The following EPO variants were observed in gnomAD, a reference collection of about 807,000 sequenced individuals.
EPO encodes the protein erythropoietin.
EPO carries 12 observed loss-of-function variants against 24.4 expected under a neutral mutation model. That is an observed-to-expected ratio of 0.49 (90% CI 0.32 to 0.80). The LOEUF (loss-of-function observed/expected upper bound fraction) is 0.80, where lower values mean the gene tolerates loss of function less well. Among genes scored for constraint, EPO ranks in the 30% least tolerant of loss-of-function variants. The pLI is 0.04. For missense variants in EPO, 210 were observed against 238.0 expected, an observed-to-expected ratio of 0.88 and a Z score of 0.77; for synonymous variants, 107 against 104.0, an observed-to-expected ratio of 1.03 and a Z score of -0.18.
In EPO at chr7:100,722,089, T is replaced by A. The variant is rs749999386; in HGVS notation, c.246+41T>A. 6.7e-5 allele frequency: 102 copies of A among 1,530,748 alleles called. No homozygotes were observed. The East Asian group carries it at 2.1e-3, about 32-fold the overall frequency. 94.8% of individuals were successfully genotyped at this position (1,530,748 alleles called of 1,614,324 possible). On this transcript the variant is annotated intron_variant, in intron 3 of 4. Transcript: ENST00000252723. The stretch of plus-strand genomic sequence containing the variant: ...TTTTTTTTTCCTTTCTTTTGGAGAA[T>A]CTCATTTGCGAGCCTGATTTTGGAT...
At position 100,721,014 on chromosome 7, in the gene EPO, C is replaced by T. The variant is rs372062547; in HGVS notation, c.13+21C>T. On this transcript the variant is annotated intron_variant, in intron 1 of 4. Transcript: ENST00000252723. The surrounding 1 kb of genome is among the most constrained non-coding windows in gnomAD (Gnocchi z 4.0). ...GCACGGTGAGTACTCGCGGGCTGGG[C>T]GCTCCCGCCCGCCCGGGTCCCTGTT... is the stretch of plus-strand genomic sequence containing the variant. 2 of 1,568,838 alleles carry T rather than the reference C, an allele frequency of 1.3e-6. No homozygotes were observed. Among genetic ancestry groups the T allele is most frequent in the Non-Finnish European group, 1.7e-6 (2 of 1,159,190 alleles).
rs950421894 is a variant in EPO, at chr7:100,722,921, T to C, written c.427-57T>C. ...GTCTTGCTAAGGAGTACAGGAACTG[T>C]CCGTATTCCTTCCCTTTCTGTGGCA... On this transcript the variant is annotated intron_variant, in intron 4 of 4. Coordinates refer to ENST00000252723, the MANE Select transcript of EPO (RefSeq NM_000799.4). 4.3e-6 allele frequency: 7 copies of C among 1,609,510 alleles called. No homozygotes were observed. The African/African-American group carries it at 9.3e-5, about 21-fold the overall frequency.
rs1293045083 is a variant in EPO at position 100,720,522 on chromosome 7, C to A, written c.-459C>A. On this transcript the variant is annotated 5_prime_UTR_variant, in exon 1 of 5. Coordinates refer to ENST00000252723, the MANE Select transcript of EPO (RefSeq NM_000799.4). ...CCAAGGGTGCGCAACCGGCTGCACT[C>A]CCCTCCCGCGACCCAGGGCCCGGGA... Among the ~76,000 whole-genome samples the A allele has an allele frequency of 6.6e-6, 1 of 152,170 alleles. No individual in the cohort carries two copies. Among genetic ancestry groups the A allele is most frequent in the Non-Finnish European group, 1.5e-5 (1 of 68,006 alleles).
In EPO at chr7:100,721,017, T is replaced by C; in HGVS notation, c.13+24T>C. On this transcript the variant is annotated intron_variant, in intron 1 of 4. Coordinates refer to ENST00000252723, the MANE Select transcript of EPO (RefSeq NM_000799.4). This position sits in a 1 kb window ranked among gnomAD's most constrained non-coding sequence, Gnocchi z 4.0. ...CGGTGAGTACTCGCGGGCTGGGCGC[T>C]CCCGCCCGCCCGGGTCCCTGTTTGA... is the stretch of plus-strand genomic sequence containing the variant. 6.4e-7 allele frequency: 1 copy of C among 1,565,866 alleles called. No individual in the cohort carries two copies. Among genetic ancestry groups the C allele is most frequent in the East Asian group, 2.4e-5 (1 of 41,384 alleles).
chr7:100,722,220 G>A (rs1227380302), intron 3 of EPO, among the ~76,000 whole-genome samples, 172 bp downstream of exon 3: 2 of 152,136 alleles, frequency 1.3e-5, no homozygotes, highest in Middle Eastern at 3.2e-3. Context: ...GCCGAGATGG[G>A]AGAATTGCTT....
intron 4 of EPO, 34 bp downstream of exon 4, chr7:100,722,877 C>T (rs1387083169): frequency 6.8e-6 from 11 of 1,608,698 alleles, no homozygotes; most frequent in Non-Finnish European, 3.4e-6. Flanking sequence ...CTTGCCCTTT[C>T]TGTAAGAAGG....
chr7:100,723,288 GC>G lies in EPO; in HGVS notation c.*157del. 2 of 865,172 alleles carry G rather than the reference GC, an allele frequency of 2.3e-6. No individual in the cohort carries two copies. The highest frequency in any genetic ancestry group is 3.5e-6 in the Non-Finnish European group (2 of 572,448). The allele number at this position is 865,172 out of a possible 1,614,324, so 53.6% of individuals were successfully genotyped here. The stretch of plus-strand genomic sequence containing the variant: ...CAGTGCCAGCAATGACATCTCAGGG[GC>G]CAGAGGAACTGTCCAGAGAGCAACT... On this transcript the variant is annotated 3_prime_UTR_variant, in exon 5 of 5. Coordinates refer to ENST00000252723, the MANE Select transcript of EPO (RefSeq NM_000799.4).
chr7:100,723,276 G>C lies in EPO; in HGVS notation c.*143G>C, dbSNP rs150610526. 1 of 955,660 alleles carries C rather than the reference G, an allele frequency of 1.0e-6. No individual in the cohort carries two copies. The highest frequency in any genetic ancestry group is 1.7e-5 in the African/African-American group (1 of 60,264). 59.2% of individuals were successfully genotyped at this position (955,660 alleles called of 1,614,324 possible). ...CCATGGACACTCCAGTGCCAGCAATGACATCTCAGGGGCCAGAGGAACTGT... is the reference window on the plus strand; with the variant it reads ...CCATGGACACTCCAGTGCCAGCAATCACATCTCAGGGGCCAGAGGAACTGT... On this transcript the variant is annotated 3_prime_UTR_variant, in exon 5 of 5. Transcript: ENST00000252723.
rs777990553 is a variant in EPO, at chr7:100,722,728, G to A, written c.311G>A (p.Gly104Asp). Residue 104 changes from glycine (G) to aspartate (D), a missense_variant, in exon 4 of 5, where the codon GGC becomes GAC. Physicochemically the swap from Gly to Asp is moderately conservative, Grantham distance 94. Coordinates refer to ENST00000252723, the MANE Select transcript of EPO (RefSeq NM_000799.4). ...LALLSEAVLR[G>D]QALLVNSSQP... ...CTGCTGTCGGAAGCTGTCCTGCGGG[G>A]CCAGGCCCTGTTGGTCAACTCTTCC... is the stretch of plus-strand genomic sequence containing the variant. 6.2e-6 allele frequency: 10 copies of A among 1,613,650 alleles called. No homozygotes were observed. The highest frequency in any genetic ancestry group is 2.5e-6 in the Non-Finnish European group (3 of 1,179,962).
chr7:100,721,513 C>G lies in EPO; in HGVS notation c.14-45C>G. ...AAGGAAGCTGTCCTTCCACAGCCAC[C>G]CTTCTCCCTCCCCGCCTGACTCTCA... is the stretch of plus-strand genomic sequence containing the variant. On this transcript the variant is annotated intron_variant, in intron 1 of 4. Coordinates refer to ENST00000252723, the MANE Select transcript of EPO (RefSeq NM_000799.4). The surrounding 1 kb of genome is among the most constrained non-coding windows in gnomAD (Gnocchi z 4.0). 6.3e-7 allele frequency: 1 copy of G among 1,595,840 alleles called. No individual in the cohort carries two copies. Among genetic ancestry groups the G allele is most frequent in the Non-Finnish European group, 8.6e-7 (1 of 1,169,136 alleles).
In EPO at chr7:100,720,714, G is replaced by GAT; in HGVS notation, c.-265_-264dup. The GAT allele has an allele frequency of 2.9e-6, 1 of 345,252 alleles. No individual in the cohort carries two copies. Among genetic ancestry groups the GAT allele is most frequent in the Non-Finnish European group, 5.1e-6 (1 of 196,238 alleles). 21.4% of individuals were successfully genotyped at this position (345,252 alleles called of 1,614,324 possible). On this transcript the variant is annotated 5_prime_UTR_variant, in exon 1 of 5. An upstream open reading frame in the 5' UTR gains an earlier in-frame stop. Transcript: ENST00000252723. ...CCCCACCCGCGCACGCACACATGCA[G>GAT]ATAACAGCCCCGACCCCCGGCCAGA...
chr7:100,721,129 G>A lies in EPO; in HGVS notation c.13+136G>A. 1 of 472,260 alleles carries A rather than the reference G, an allele frequency of 2.1e-6. No homozygotes were observed. Among genetic ancestry groups the A allele is most frequent in the South Asian group, 2.2e-5 (1 of 44,966 alleles). 29.3% of individuals were successfully genotyped at this position (472,260 alleles called of 1,614,324 possible). A position where few individuals can be genotyped will look rare whatever the true frequency, so the allele number is the denominator to read the frequency against. On this transcript the variant is annotated intron_variant, in intron 1 of 4. Coordinates refer to ENST00000252723, the MANE Select transcript of EPO (RefSeq NM_000799.4). This position sits in a 1 kb window ranked among gnomAD's most constrained non-coding sequence, Gnocchi z 4.0. ...GTCAAGGACCCCGGAAGGGGGAGGG[G>A]GGTGGGGCAGCCTCCACGTGCCAGC...
chr7:100,722,720 C>T lies in EPO; in HGVS notation c.303C>T (p.Val101=). ...WQGLALLSEA[V]LRGQALLVNS... is the part of the protein sequence containing the mutation. ...GCCTGGCCCTGCTGTCGGAAGCTGT[C>T]CTGCGGGGCCAGGCCCTGTTGGTCA... Residue 101 remains valine (V), a synonymous_variant, in exon 4 of 5, where the codon GTC becomes GTT. Transcript: ENST00000252723. 3 of 1,613,426 alleles carry T rather than the reference C, an allele frequency of 1.9e-6. No individual in the cohort carries two copies. Among genetic ancestry groups the T allele is most frequent in the Non-Finnish European group, 2.5e-6 (3 of 1,179,948 alleles).
rs140683829 is a variant in EPO, at chr7:100,722,678, C to G, written c.261C>G (p.Ala87=). The G allele has an allele frequency of 6.3e-7, 1 of 1,597,988 alleles. No homozygotes were observed. Among genetic ancestry groups the G allele is most frequent in the Admixed American group, 1.8e-5 (1 of 54,726 alleles). Residue 87 remains alanine (A), a synonymous_variant, in exon 4 of 5, where the codon GCC becomes GCG. Transcript: ENST00000252723. ...ACTCCCTGTAGGTCGGGCAGCAGGC[C>G]GTAGAAGTCTGGCAGGGCCTGGCCC... ...AWKRMEVGQQ[A]VEVWQGLALL... is the part of the protein sequence containing the mutation.
chr7:100,721,055 C>G lies in EPO; in HGVS notation c.13+62C>G. 1 of 1,498,172 alleles carries G rather than the reference C, an allele frequency of 6.7e-7. No homozygotes were observed. The highest frequency in any genetic ancestry group is 8.9e-7 in the Non-Finnish European group (1 of 1,122,520). 92.8% of individuals were successfully genotyped at this position (1,498,172 alleles called of 1,614,324 possible). On this transcript the variant is annotated intron_variant, in intron 1 of 4. Coordinates refer to ENST00000252723, the MANE Select transcript of EPO (RefSeq NM_000799.4). This position sits in a 1 kb window ranked among gnomAD's most constrained non-coding sequence, Gnocchi z 4.0. The stretch of plus-strand genomic sequence containing the variant: ...GGTCCCTGTTTGAGCGGGGATTTAG[C>G]GCCCCGGCTATTGGCCAGGAGGTGG...
rs1806768437 is a variant in EPO at position 100,722,837 on chromosome 7, A to G, written c.420A>G (p.Gly140=). The G allele has an allele frequency of 6.2e-7, 1 of 1,612,838 alleles. No individual in the cohort carries two copies. Among genetic ancestry groups the G allele is most frequent in the Non-Finnish European group, 8.5e-7 (1 of 1,179,662 alleles). ...TCACCACTCTGCTTCGGGCTCTGGGAGCCCAGGTGAGTAGGAGCGGACACT... is the reference window on the plus strand; with the variant it reads ...TCACCACTCTGCTTCGGGCTCTGGGGGCCCAGGTGAGTAGGAGCGGACACT... ...RSLTTLLRAL[G]AQKEAISPPD... Residue 140 remains glycine, a synonymous_variant, in exon 4 of 5, where the codon GGA becomes GGG. Transcript: ENST00000252723.
Position 100,721,627 on chromosome 7 carries a change from C to A in EPO, c.83C>A (p.Ala28Asp). 1 of 1,613,854 alleles carries A rather than the reference C, an allele frequency of 6.2e-7. No individual in the cohort carries two copies. Among genetic ancestry groups the A allele is most frequent in the Non-Finnish European group, 8.5e-7 (1 of 1,180,028 alleles). Reference protein sequence around the residue: ...SLPLGLPVLGAPPRLICDSRV... With the variant: ...SLPLGLPVLGDPPRLICDSRV... ...CCTCTGGGCCTCCCAGTCCTGGGCG[C>A]CCCACCACGCCTCATCTGTGACAGC... is the stretch of plus-strand genomic sequence containing the variant. The change falls in exon 2 of 5, where the codon GCC becomes GAC. Residue 28 changes from alanine (A) to aspartate (D), a missense_variant. Ala to Asp is a moderately radical substitution (Grantham distance 126). Transcript: ENST00000252723. This position sits in a 1 kb window ranked among gnomAD's most constrained non-coding sequence, Gnocchi z 4.0.
Position 100,723,627 on chromosome 7 carries a change from G to C in EPO, c.*494G>C, listed in dbSNP as rs563055654. 1 of 153,752 alleles carries C rather than the reference G, an allele frequency of 6.5e-6. No homozygotes were observed. The highest frequency in any genetic ancestry group is 1.9e-4 in the East Asian group (1 of 5,226). The allele number at this position is 153,752 out of a possible 1,614,324, so 9.5% of individuals were successfully genotyped here. ...TGGGAACCATGAAGACAGGATGGGG[G>C]CTGGCCTCTGGCTCTCATGGGGTCC... is the stretch of plus-strand genomic sequence containing the variant. On this transcript the variant is annotated 3_prime_UTR_variant, in exon 5 of 5. Transcript: ENST00000252723.
In EPO at chr7:100,721,476, G is replaced by A; in HGVS notation, c.14-82G>A. On this transcript the variant is annotated intron_variant, in intron 1 of 4. Transcript: ENST00000252723. This position sits in a 1 kb window ranked among gnomAD's most constrained non-coding sequence, Gnocchi z 4.0. The stretch of plus-strand genomic sequence containing the variant: ...GACAGGAAGGACGAGCTGGGGCAGA[G>A]ACGTGGGGATGAAGGAAGCTGTCCT... The A allele has an allele frequency of 1.9e-6, 3 of 1,544,768 alleles. No individual in the cohort carries two copies. The highest frequency in any genetic ancestry group is 2.6e-6 in the Non-Finnish European group (3 of 1,140,750).
Sources: allele counts gnomAD v4.1 joint callset (sites outside exome capture counted in the v4.1 genomes callset), GRCh38; gene constraint gnomAD v4.1.1; non-coding constraint Gnocchi (gnomAD v3.1); transcripts MANE v1.5; gene names NCBI Gene and HGNC (gene_info 2026-07-23, HGNC 2026-07-21).